SYN3: variants seen among roughly 807,000 people sequenced by gnomAD.
The protein encoded by SYN3 is synapsin-3.
Under a neutral mutation model 65.8 loss-of-function variants are expected in SYN3, and 35 were observed. The observed-to-expected ratio is 0.53, with a 90% confidence interval of 0.41 to 0.70. The LOEUF is 0.70. Ranked by LOEUF, SYN3 falls within the 30% of genes least tolerant of loss-of-function variation. The probability of loss-of-function intolerance (pLI) is 0.00; values close to 1 mark genes in which losing one functional copy is unlikely to be tolerated. For synonymous variants in SYN3, 270 were observed against 292.9 expected (o/e 0.92, Z 0.80); for missense variants, 680 against 749.0 (o/e 0.91, Z 1.08).
Position 32,780,286 on chromosome 22 carries a change from C to T in SYN3, c.711+84629G>A, listed in dbSNP as rs5994628. On this transcript the variant is annotated intron_variant, in intron 6 of 13. Transcript: ENST00000358763. ...GGCTGAAGCTGGCCCTGGGGGGTGC[C>T]GGGAGGTGAATGAGAGAAGTGTCTC... Among the ~76,000 whole-genome samples the T allele has an allele frequency of 1.5e-3, 222 of 151,902 alleles. 4 individuals carry two copies. The highest frequency in any genetic ancestry group is 5.4e-3 in the South Asian group (26 of 4,786).
At chr22:32,587,222 C>CAAA (rs11341864) in intron 7 of SYN3, among the ~76,000 whole-genome samples, 4,192 of 86,314 alleles carry the variant, frequency 0.049, 134 homozygotes, top group Non-Finnish European at 0.069. Context: ...GCTCTTATCT[C>CAAA]AAAAAAAAAA....
intron 6 of SYN3, among the ~76,000 whole-genome samples, chr22:32,647,178 A>C (rs2059995496): frequency 6.6e-6 from 1 of 152,088 alleles, no homozygotes; most frequent in Admixed American, 6.6e-5. Flanking sequence ...CACCACCCAG[A>C]ATGCCCCTCT....
At chr22:32,697,767 G>A (rs1267795473) in intron 6 of SYN3, among the ~76,000 whole-genome samples, 1 of 152,218 alleles carries the variant, frequency 6.6e-6, no homozygotes, top group Non-Finnish European at 1.5e-5. Flanking sequence ...CACAGGCAAC[G>A]TATATTTTTC....
intron 13 of SYN3, among the ~76,000 whole-genome samples, chr22:32,514,126 A>C (rs1181144145): frequency 1.3e-5 from 2 of 152,206 alleles, no homozygotes; most frequent in Non-Finnish European, 2.9e-5. Context: ...CCATTATACC[A>C]GACTGTTGAG....
At chr22:33,044,529 C>T (rs1275181909) in intron 1 of SYN3, among the ~76,000 whole-genome samples, 1 of 152,004 alleles carries the variant, frequency 6.6e-6, no homozygotes. Context: ...TCCTCATCAC[C>T]TCACCCAACA....
intron 3 of SYN3, among the ~76,000 whole-genome samples, chr22:32,939,954 A>G (rs1440163793): frequency 6.6e-6 from 1 of 152,204 alleles, no homozygotes; most frequent in Non-Finnish European, 1.5e-5. Context: ...TGGTTTTGCC[A>G]ATTTACATAC....
intron 4 of SYN3, among the ~76,000 whole-genome samples, chr22:32,895,356 G>A (rs139461443): frequency 6.6e-4 from 100 of 152,276 alleles, no homozygotes; most frequent in African/African-American, 2.3e-3. Context: ...ATAATCCAGT[G>A]AGCCAATTCC....
intron 2 of SYN3, among the ~76,000 whole-genome samples, chr22:32,989,323 C>T (rs1363773486): frequency 6.6e-6 from 1 of 152,230 alleles, no homozygotes; most frequent in Non-Finnish European, 1.5e-5. Context: ...ATGTTCATCT[C>T]TTTCCCTCCT....
At chr22:32,894,591 C>T (rs1407217982) in intron 4 of SYN3, among the ~76,000 whole-genome samples, 2 of 152,234 alleles carry the variant, frequency 1.3e-5, no homozygotes, top group Admixed American at 6.5e-5. Context: ...TCATCCTGAC[C>T]TGACATTGAC....
chr22:32,996,377 G>T (rs140997333), intron 2 of SYN3, among the ~76,000 whole-genome samples: 2 of 152,010 alleles, frequency 1.3e-5, no homozygotes, highest in African/African-American at 4.8e-5. Context: ...AGAGGAACTC[G>T]GCACTCTCAC....
chr22:32,692,493 C>T (rs1282395688), intron 6 of SYN3, among the ~76,000 whole-genome samples: 3 of 152,220 alleles, frequency 2.0e-5, no homozygotes, highest in South Asian at 2.1e-4. Flanking sequence ...GGCCCTGGGA[C>T]GAGCAGACTA....
At chr22:32,594,715 G>A (rs1311790931) in intron 7 of SYN3, among the ~76,000 whole-genome samples, 1 of 152,018 alleles carries the variant, frequency 6.6e-6, no homozygotes, top group Non-Finnish European at 1.5e-5. Context: ...CTCTAACTCC[G>A]AACCTCAGGT....
Position 32,664,584 on chromosome 22 carries a change from C to CT in SYN3, c.712-67849dup, listed in dbSNP as rs71320943. 9.1e-3 allele frequency among the ~76,000 whole-genome samples: 630 copies of CT among 69,034 alleles called. 154 individuals carry two copies. The highest frequency in any genetic ancestry group is 0.02 in the Middle Eastern group (2 of 100). The allele number at this position is 69,034 out of a possible 152,430, so 45.3% of individuals were successfully genotyped here. On this transcript the variant is annotated intron_variant, in intron 6 of 13. Transcript: ENST00000358763. ...AGCATACACTGTACTCAATTGGTCG[C>CT]TTTTTTTTTTTTTTTTTTTTTTTTT... is the stretch of plus-strand genomic sequence containing the variant.
intron 6 of SYN3, among the ~76,000 whole-genome samples, chr22:32,823,057 C>G (rs1283942960): frequency 2.0e-5 from 3 of 152,160 alleles, no homozygotes; most frequent in African/African-American, 7.2e-5. Flanking sequence ...TTAATTTGAT[C>G]CAGTGTTTTC....
intron 6 of SYN3, among the ~76,000 whole-genome samples, chr22:32,706,020 A>G (rs1225085216): frequency 6.6e-6 from 1 of 152,164 alleles, no homozygotes; most frequent in Non-Finnish European, 1.5e-5. Context: ...GGATAGCTTG[A>G]CTTCCTTTCT....
chr22:32,880,536 G>A (rs1016027508), intron 4 of SYN3, among the ~76,000 whole-genome samples: 4 of 152,142 alleles, frequency 2.6e-5, no homozygotes, highest in Non-Finnish European at 5.9e-5. Context: ...CCCCTGGTGG[G>A]TGGTGGTGGA....
intron 6 of SYN3, among the ~76,000 whole-genome samples, chr22:32,625,317 T>C (rs1173758952): frequency 6.6e-6 from 1 of 152,192 alleles, no homozygotes; most frequent in Admixed American, 6.5e-5. Flanking sequence ...TGGGGCTTTT[T>C]GGAACAATGG....
chr22:32,970,726 A>G (rs2051994987), intron 3 of SYN3, among the ~76,000 whole-genome samples: 1 of 152,188 alleles, frequency 6.6e-6, no homozygotes, highest in Non-Finnish European at 1.5e-5. Flanking sequence ...TCAGGAAAAG[A>G]GGACTGTTTT....
At chr22:32,975,495 A>G (rs145825459) in intron 3 of SYN3, among the ~76,000 whole-genome samples, 1 of 152,116 alleles carries the variant, frequency 6.6e-6, no homozygotes, top group African/African-American at 2.4e-5. Flanking sequence ...GAGTCTCACA[A>G]TGTTGCCCAG....
Sources: gnomAD v4.1 joint callset for allele counts (sites outside exome capture counted in the v4.1 genomes callset) on GRCh38, gnomAD v4.1.1 for gene constraint, MANE v1.5 for transcripts, NCBI Gene and HGNC (gene_info 2026-07-23, HGNC 2026-07-21) for gene names.